KANK2: variants seen among roughly 807,000 people sequenced by gnomAD.
The protein encoded by KANK2 is KN motif and ankyrin repeat domains 2.
In KANK2, 41 loss-of-function variants were observed where a neutral mutation model predicts 74.6. That is an observed-to-expected ratio of 0.55 (90% CI 0.43 to 0.71). KANK2 has a LOEUF of 0.71. Ranked by LOEUF, KANK2 falls within the 30% of genes least tolerant of loss-of-function variation. KANK2 has a pLI of 0.00. For missense variants in KANK2, 1,148 were observed against 1,196.4 expected (o/e 0.96, Z 0.60); for synonymous variants, 537 against 519.0 (o/e 1.03, Z -0.47).
chr19:11,176,937 G>A, intron 6 of KANK2, 120 bp from the exon 7 acceptor site: 1 of 1,183,810 alleles, frequency 8.4e-7, no homozygotes, highest in Non-Finnish European at 1.1e-6. Flanking sequence ...TCTGTTCAAT[G>A]GCAGTATTGA....
intron 2 of KANK2, chr19:11,194,913 AC>A: frequency 5.6e-6 from 1 of 177,148 alleles, no homozygotes; most frequent in Non-Finnish European, 1.2e-5. Flanking sequence ...CCCTTCCTGC[AC>A]CCCCTCCCCT....
Position 11,169,662 on chromosome 19 carries a change from G to A in KANK2, c.2502+215C>T, listed in dbSNP as rs1411445942. The A allele has an allele frequency of 5.1e-6, 3 of 590,124 alleles. No homozygotes were observed. In the African/African-American group the frequency reaches 5.6e-5, roughly 11 times the overall value. The allele number at this position is 590,124 out of a possible 1,614,324, so 36.6% of individuals were successfully genotyped here. A position where few individuals can be genotyped will look rare whatever the true frequency, so the allele number is the denominator to read the frequency against. On this transcript the variant is annotated intron_variant, in intron 12 of 12. Transcript: ENST00000586659. ...CTAAAAATACAAAAATTAGCCGGGTGTGGTGGTGCACACCTGTTATCCCAG... is the reference window on the plus strand; with the variant it reads ...CTAAAAATACAAAAATTAGCCGGGTATGGTGGTGCACACCTGTTATCCCAG...
intron 7 of KANK2, among the ~76,000 whole-genome samples, chr19:11,176,377 C>A (rs1324472352): frequency 6.6e-6 from 1 of 152,182 alleles, no homozygotes; most frequent in Non-Finnish European, 1.5e-5. Flanking sequence ...ACCCCGGCAG[C>A]CCAAAATAGT....
intron 4 of KANK2, among the ~76,000 whole-genome samples, chr19:11,189,089 T>C (rs763861493): frequency 3.5e-4 from 46 of 131,726 alleles, no homozygotes; most frequent in Non-Finnish European, 5.9e-4. Context: ...TTGACATGAA[T>C]TGATTCTCTC....
chr19:11,190,884 C>G (rs1254613686), intron 4 of KANK2, among the ~76,000 whole-genome samples: 2 of 151,914 alleles, frequency 1.3e-5, no homozygotes, highest in Admixed American at 6.6e-5. Context: ...GTGCCGGCCA[C>G]CACGCCCGGC....
chr19:11,180,420 C>T (rs1265620572), intron 4 of KANK2, among the ~76,000 whole-genome samples: 1 of 151,708 alleles, frequency 6.6e-6, no homozygotes, highest in East Asian at 1.9e-4. Context: ...TTGCCATATA[C>T]AGTGACTTCC....
At chr19:11,194,166 C>G in intron 3 of KANK2, 124 bp from the exon 4 acceptor site, 1 of 1,061,870 alleles carries the variant, frequency 9.4e-7, no homozygotes, top group Non-Finnish European at 1.3e-6. Flanking sequence ...TGGTACTCAA[C>G]CGCGTCTGCT....
intron 6 of KANK2, among the ~76,000 whole-genome samples, chr19:11,177,575 C>T (rs1218583565): frequency 1.3e-5 from 2 of 152,110 alleles, no homozygotes; most frequent in Non-Finnish European, 2.9e-5. Context: ...TTGTCTCGAA[C>T]TCCTGAACTC....
Position 11,174,563 on chromosome 19 carries a change from C to G in KANK2, c.1978G>C (p.Val660Leu). The G allele has an allele frequency of 1.2e-6, 2 of 1,613,592 alleles. No individual in the cohort carries two copies. Among genetic ancestry groups the G allele is most frequent in the Non-Finnish European group, 1.7e-6 (2 of 1,179,882 alleles). Residue 660 changes from valine (V) to leucine (L), a missense_variant, in exon 9 of 13, where the codon GTC becomes CTC. Coordinates refer to ENST00000586659, the MANE Select transcript of KANK2 (RefSeq NM_001136191.3). The part of the protein sequence containing the change: ...AMSARLLDYV[V>L]NIADSNGNTA... ...TTGCCGTTGCTGTCGGCGATGTTGACCACGTAGTCCAGCAGCCGCGCAGAC... is the reference window on the plus strand; with the variant it reads ...TTGCCGTTGCTGTCGGCGATGTTGAGCACGTAGTCCAGCAGCCGCGCAGAC...
At chr19:11,168,735 G>A (rs957498728) in intron 12 of KANK2, among the ~76,000 whole-genome samples, 4 of 152,106 alleles carry the variant, frequency 2.6e-5, no homozygotes, top group African/African-American at 7.2e-5. Context: ...ACTAAGACAC[G>A]CATTTGGAAC....
At chr19:11,176,059 C>T in intron 7 of KANK2, 70 bp from the exon 8 acceptor site, 1 of 1,202,656 alleles carries the variant, frequency 8.3e-7, no homozygotes, top group Non-Finnish European at 1.2e-6. Context: ...ACTTGACATT[C>T]TGCACCACGT....
At chr19:11,194,641 G>C in intron 2 of KANK2, 51 bp from the exon 3 acceptor site, 1 of 726,194 alleles carries the variant, frequency 1.4e-6, no homozygotes, top group Non-Finnish European at 2.4e-6. Context: ...TAGGGGGAGG[G>C]GAGGAGATGA....
chr19:11,196,886 G>A (rs1382414843), intron 1 of KANK2: 1 of 121,174 alleles, frequency 8.3e-6, no homozygotes, highest in Non-Finnish European at 1.7e-5. Flanking sequence ...GCGGAGGTCG[G>A]TGGTGGTGGT....
upstream of KANK2, chr19:11,197,631 C>G (rs1435569140): frequency 6.6e-6 from 1 of 151,642 alleles, no homozygotes; most frequent in African/African-American, 2.4e-5. Flanking sequence ...CGGCACCGCC[C>G]CCTCCAGCCG....
chr19:11,187,272 G>GA (rs965711471), intron 4 of KANK2, among the ~76,000 whole-genome samples: 1 of 131,604 alleles, frequency 7.6e-6, no homozygotes, highest in Non-Finnish European at 1.7e-5. Context: ...AAAAAAGGAA[G>GA]AAAAAAAAGA....
At chr19:11,174,726 GC>G in intron 8 of KANK2, 34 bp from the exon 9 acceptor site, 1 of 1,524,234 alleles carries the variant, frequency 6.6e-7, no homozygotes, top group Non-Finnish European at 8.9e-7. Flanking sequence ...GGATGTGAGG[GC>G]GGGGGAGGCC....
At chr19:11,174,780 C>T (rs1447522329) in intron 8 of KANK2, 88 bp from the exon 9 acceptor site, 3 of 1,057,574 alleles carry the variant, frequency 2.8e-6, no homozygotes, top group Non-Finnish European at 1.4e-6. Context: ...CGGAGCAAAG[C>T]GTGGTGCCCT....
Position 11,164,989 on chromosome 19 carries a change from G to C in KANK2, c.*1569C>G, listed in dbSNP as rs139341354. ...CACTGGCCTCGAAAGGGCAGCGCGC[G>C]TATTTGGTTTGGAGCGCACTCCTGA... On this transcript the variant is annotated 3_prime_UTR_variant, in exon 13 of 13. Transcript: ENST00000586659. The C allele has an allele frequency of 6.6e-6, 1 of 152,126 alleles. No homozygotes were observed. Among genetic ancestry groups the C allele is most frequent in the Non-Finnish European group, 1.5e-5 (1 of 68,040 alleles). The allele number at this position is 152,126 out of a possible 1,614,324, so 9.4% of individuals were successfully genotyped here.
At chr19:11,169,056 G>A (rs1568640776) in intron 12 of KANK2, among the ~76,000 whole-genome samples, 2 of 152,162 alleles carry the variant, frequency 1.3e-5, no homozygotes, top group African/African-American at 4.8e-5. Flanking sequence ...GTTAAAAAAT[G>A]TCCGGGTGCA....
Sources: gnomAD v4.1 joint callset for allele counts (sites outside exome capture counted in the v4.1 genomes callset) on GRCh38, gnomAD v4.1.1 for gene constraint, MANE v1.5 for transcripts, NCBI Gene and HGNC (gene_info 2026-07-23, HGNC 2026-07-21) for gene names.